Variants in GRM5 observed in about 807,000 individuals in gnomAD.
GRM5 encodes metabotropic glutamate receptor 5.
GRM5 carries 19 observed loss-of-function variants against 83.1 expected under a neutral mutation model. The ratio of observed to expected loss-of-function variants is 0.23; its 90% CI spans 0.16 to 0.34. The LOEUF (loss-of-function observed/expected upper bound fraction) is 0.34. GRM5 is among the 10% of genes least tolerant of loss of function. The pLI is 1.00. For synonymous variants in GRM5, 675 were observed against 633.6 expected, an observed-to-expected ratio of 1.07 and a Z score of -0.98; for missense variants, 1,160 against 1,588.3, an observed-to-expected ratio of 0.73 and a Z score of 4.58.
At chr11:88,881,614 A>ACCGAG (rs1403792714) in intron 2 of GRM5, among the ~76,000 whole-genome samples, 1 of 152,194 alleles carries the variant, frequency 6.6e-6, no homozygotes, top group African/African-American at 2.4e-5. Flanking sequence ...TCAAGTATAA[A>ACCGAG]TGGAGACTGT....
intron 2 of GRM5, among the ~76,000 whole-genome samples, chr11:88,865,824 C>T (rs1279393030): frequency 2.0e-5 from 3 of 152,080 alleles, no homozygotes; most frequent in Admixed American, 6.6e-5. Flanking sequence ...CGTCACTGGT[C>T]GTTAGGGTAA....
chr11:88,667,788 G>A (rs942174245), intron 3 of GRM5, among the ~76,000 whole-genome samples: 1 of 152,166 alleles, frequency 6.6e-6, no homozygotes, highest in South Asian at 2.1e-4. Context: ...AGCTACTTGG[G>A]AGGCTAAGAC....
chr11:88,543,199 C>T (rs1190316214), intron 8 of GRM5, among the ~76,000 whole-genome samples: 1 of 152,212 alleles, frequency 6.6e-6, no homozygotes, highest in Non-Finnish European at 1.5e-5. Flanking sequence ...CTGTGCACAA[C>T]AACTATTTGT....
At chr11:88,835,275 A>G (rs1565253877) in intron 3 of GRM5, among the ~76,000 whole-genome samples, 1 of 152,220 alleles carries the variant, frequency 6.6e-6, no homozygotes, top group Non-Finnish European at 1.5e-5. Flanking sequence ...TCCAGGGACA[A>G]AACAGTGTAG....
chr11:88,659,256 T>A (rs1334093368), intron 3 of GRM5, among the ~76,000 whole-genome samples: 2 of 152,196 alleles, frequency 1.3e-5, no homozygotes, highest in African/African-American at 4.8e-5. Context: ...ACAGGTTTTT[T>A]GTGAAAAAGG....
intron 3 of GRM5, among the ~76,000 whole-genome samples, chr11:88,813,487 AG>A (rs1943619045): frequency 6.6e-6 from 1 of 152,228 alleles, no homozygotes; most frequent in African/African-American, 2.4e-5. Context: ...ATTTAAAAAA[AG>A]AATGCCAATG....
intron 3 of GRM5, among the ~76,000 whole-genome samples, chr11:88,654,715 T>C (rs1278631282): frequency 6.6e-6 from 1 of 152,112 alleles, no homozygotes; most frequent in Non-Finnish European, 1.5e-5. Context: ...TATTCAAATA[T>C]TTCCATTTAA....
intron 3 of GRM5, among the ~76,000 whole-genome samples, chr11:88,679,645 T>C (rs868149985): frequency 6.6e-6 from 1 of 152,162 alleles, no homozygotes; most frequent in African/African-American, 2.4e-5. Flanking sequence ...CAAATACTTT[T>C]ATACTTTTAT....
At chr11:88,621,801 G>C (rs1938642509) in intron 4 of GRM5, among the ~76,000 whole-genome samples, 1 of 152,130 alleles carries the variant, frequency 6.6e-6, no homozygotes, top group Non-Finnish European at 1.5e-5. Context: ...AATAAGCACT[G>C]TAATTGAAAT....
chr11:88,643,263 G>C (rs1234103199), intron 4 of GRM5, among the ~76,000 whole-genome samples: 1 of 57,330 alleles, frequency 1.7e-5, no homozygotes, highest in Admixed American at 1.6e-4. Context: ...GTAGAGGTAT[G>C]GTGCCATGCT....
At chr11:88,642,664 A>T (rs1185752941) in intron 4 of GRM5, among the ~76,000 whole-genome samples, 1 of 152,176 alleles carries the variant, frequency 6.6e-6, no homozygotes, top group East Asian at 1.9e-4. Context: ...GCTGCTTAGA[A>T]ATTTCCTTAG....
At chr11:88,874,717 A>G (rs1490860991) in intron 2 of GRM5, among the ~76,000 whole-genome samples, 3 of 151,932 alleles carry the variant, frequency 2.0e-5, no homozygotes, top group African/African-American at 7.2e-5. Context: ...TATTAAGAAT[A>G]TATAGGTATA....
intron 3 of GRM5, among the ~76,000 whole-genome samples, chr11:88,793,561 G>T (rs3862365): frequency 0.053 from 8,086 of 152,186 alleles, 401 homozygotes; most frequent in Admixed American, 0.16. Flanking sequence ...GTATTGGGAA[G>T]AATTTTAATT....
At chr11:88,759,546 A>G (rs916547591) in intron 3 of GRM5, among the ~76,000 whole-genome samples, 2 of 152,188 alleles carry the variant, frequency 1.3e-5, no homozygotes, top group African/African-American at 4.8e-5. Context: ...ATATATATGT[A>G]CTAAATACAA....
intron 2 of GRM5, among the ~76,000 whole-genome samples, chr11:88,862,181 T>C (rs912316291): frequency 3.9e-5 from 6 of 152,204 alleles, no homozygotes; most frequent in South Asian, 2.1e-4. Flanking sequence ...GAGACAGTGA[T>C]TGAAAATCTA....
chr11:88,948,529 T>C (rs910015652), intron 2 of GRM5, among the ~76,000 whole-genome samples: 1 of 152,242 alleles, frequency 6.6e-6, no homozygotes, highest in Non-Finnish European at 1.5e-5. Context: ...AAGAAAGCAT[T>C]ATGTTTCCCA....
At chr11:89,062,156 A>C (rs1228047673) in intron 1 of GRM5, among the ~76,000 whole-genome samples, 1 of 152,242 alleles carries the variant, frequency 6.6e-6, no homozygotes, top group Non-Finnish European at 1.5e-5. Flanking sequence ...AAACATGCAT[A>C]AAGGACAGAA....
At chr11:88,549,291 C>A (rs1466708848) in intron 8 of GRM5, among the ~76,000 whole-genome samples, 1 of 151,870 alleles carries the variant, frequency 6.6e-6, no homozygotes. Flanking sequence ...ATGGTAATAC[C>A]TGGTCTCTAC....
chr11:88,863,650 G>T (rs1208565781), intron 2 of GRM5, among the ~76,000 whole-genome samples: 1 of 126,520 alleles, frequency 7.9e-6, no homozygotes, highest in Non-Finnish European at 1.7e-5. Flanking sequence ...AGCCTAAAGA[G>T]CATAAAAAAC....
Sources: gnomAD v4.1 joint callset for allele counts (sites outside exome capture counted in the v4.1 genomes callset) on GRCh38, gnomAD v4.1.1 for gene constraint, MANE v1.5 for transcripts, NCBI Gene and HGNC (gene_info 2026-07-23, HGNC 2026-07-21) for gene names.